PPP3R1: variants seen among roughly 807,000 people sequenced by gnomAD.
PPP3R1 encodes the protein calcineurin subunit B type 1.
A neutral mutation model predicts 22.6 loss-of-function variants in PPP3R1; 5 were observed. That is an observed-to-expected ratio of 0.22 (90% CI 0.12 to 0.46). The LOEUF (loss-of-function observed/expected upper bound fraction) is 0.46. PPP3R1 is among the 20% of genes least tolerant of loss of function. PPP3R1 has a pLI of 0.99. For synonymous variants in PPP3R1, 56 were observed against 65.2 expected, an observed-to-expected ratio of 0.86 and a Z score of 0.68; for missense variants, 61 against 203.2, an observed-to-expected ratio of 0.30 and a Z score of 4.25.
chr2:68,222,301 A>G (rs974561568), intron 1 of PPP3R1, among the ~76,000 whole-genome samples: 1 of 152,206 alleles, frequency 6.6e-6, no homozygotes, highest in Non-Finnish European at 1.5e-5. Context: ...CTCTAGAACA[A>G]CTTAAAAAAG....
At chr2:68,237,139 A>T (rs930653) in intron 1 of PPP3R1, among the ~76,000 whole-genome samples, 108,091 of 152,054 alleles carry the variant, frequency 0.71, 38,796 homozygotes, top group African/African-American at 0.82. Flanking sequence ...AATATCCTGA[A>T]ACATTCTTGA....
chr2:68,202,677 G>C (rs555802962), intron 2 of PPP3R1, among the ~76,000 whole-genome samples: 11 of 151,724 alleles, frequency 7.3e-5, no homozygotes, highest in Non-Finnish European at 1.3e-4. Flanking sequence ...CACTTGCCTC[G>C]GTCTCCCAAA....
At position 68,252,464 on chromosome 2, in the gene PPP3R1, C is replaced by G. The variant is rs1214691558; in HGVS notation, c.-337G>C. On this transcript the variant is annotated 5_prime_UTR_variant, in exon 1 of 6. Transcript: ENST00000234310. ...GGCCGGGAAACTCGGGGGCTGCAGCCTCGCGCTCGCGCCGGAGCCGTGACG... is the reference window on the plus strand; with the variant it reads ...GGCCGGGAAACTCGGGGGCTGCAGCGTCGCGCTCGCGCCGGAGCCGTGACG... 2 of 988,866 alleles carry G rather than the reference C, an allele frequency of 2.0e-6. No individual in the cohort carries two copies. The highest frequency in any genetic ancestry group is 2.4e-6 in the Non-Finnish European group (2 of 832,838). The allele number at this position is 988,866 out of a possible 1,614,324, so 61.3% of individuals were successfully genotyped here.
intron 1 of PPP3R1, among the ~76,000 whole-genome samples, chr2:68,243,507 T>C (rs1670171267): frequency 6.6e-6 from 1 of 152,172 alleles, no homozygotes; most frequent in Admixed American, 6.5e-5. Flanking sequence ...AAAAGACGCT[T>C]TATCCATTAT....
intron 2 of PPP3R1, among the ~76,000 whole-genome samples, chr2:68,198,247 A>G (rs114706584): frequency 0.025 from 3,611 of 146,282 alleles, 145 homozygotes; most frequent in African/African-American, 0.083. Flanking sequence ...ACACATATGT[A>G]CATACATATG....
intron 1 of PPP3R1, among the ~76,000 whole-genome samples, chr2:68,232,227 G>A (rs1474742831): frequency 0.049 from 1,646 of 33,852 alleles, 26 homozygotes; most frequent in African/African-American, 0.2. Context: ...GTATATATGT[G>A]TGTGTGTGTG....
At chr2:68,182,848 C>T (rs1259262832) in intron 5 of PPP3R1, among the ~76,000 whole-genome samples, 1 of 151,902 alleles carries the variant, frequency 6.6e-6, no homozygotes, top group Non-Finnish European at 1.5e-5. Flanking sequence ...CAGTTAATTC[C>T]TTTGCTGGGT....
At chr2:68,237,195 AG>A (rs1418821490) in intron 1 of PPP3R1, among the ~76,000 whole-genome samples, 2 of 152,320 alleles carry the variant, frequency 1.3e-5, no homozygotes, top group Admixed American at 1.3e-4. Flanking sequence ...CAAAGAAATT[AG>A]GATTATGAAA....
chr2:68,202,063 T>G (rs1674988869), intron 2 of PPP3R1, among the ~76,000 whole-genome samples: 1 of 152,180 alleles, frequency 6.6e-6, no homozygotes, highest in African/African-American at 2.4e-5. Context: ...CCCTTCTATG[T>G]TATCTAATAC....
intron 1 of PPP3R1, among the ~76,000 whole-genome samples, chr2:68,227,180 G>A (rs1313903893): frequency 6.6e-6 from 1 of 151,988 alleles, no homozygotes; most frequent in Non-Finnish European, 1.5e-5. Context: ...AGAGAACCAA[G>A]TTTTTTCATT....
intron 2 of PPP3R1, among the ~76,000 whole-genome samples, chr2:68,207,436 C>T (rs532806983): frequency 1.3e-4 from 20 of 152,256 alleles, no homozygotes; most frequent in Non-Finnish European, 2.1e-4. Context: ...AAAAGGACAG[C>T]TTTAACAGTG....
intron 1 of PPP3R1, among the ~76,000 whole-genome samples, chr2:68,243,768 GA>G (rs1670178173): frequency 6.6e-6 from 1 of 151,952 alleles, no homozygotes. Context: ...TAAAACTTTG[GA>G]CTAAAACTGA....
At chr2:68,252,091 GA>G in intron 1 of PPP3R1, 33 bp downstream of exon 1, 1 of 1,419,578 alleles carries the variant, frequency 7.0e-7, no homozygotes, top group Non-Finnish European at 9.4e-7. Flanking sequence ...GCAGTAGGGG[GA>G]GGGATGGTGC....
At chr2:68,222,510 C>T (rs954576777) in intron 1 of PPP3R1, among the ~76,000 whole-genome samples, 1 of 152,170 alleles carries the variant, frequency 6.6e-6, no homozygotes, top group African/African-American at 2.4e-5. Context: ...CTAAATAGAA[C>T]AAAAAGGCAG....
chr2:68,222,614 A>T (rs1669704346), intron 1 of PPP3R1, among the ~76,000 whole-genome samples: 1 of 152,190 alleles, frequency 6.6e-6, no homozygotes, highest in African/African-American at 2.4e-5. Flanking sequence ...TCAGACTCAG[A>T]CTAGAATTTA....
intron 1 of PPP3R1, among the ~76,000 whole-genome samples, chr2:68,229,435 T>G (rs951837588): frequency 1.3e-5 from 2 of 152,252 alleles, no homozygotes; most frequent in Non-Finnish European, 2.9e-5. Context: ...AGTATCTTTC[T>G]ATATCCTTGC....
intron 1 of PPP3R1, among the ~76,000 whole-genome samples, chr2:68,229,965 TACACACATAC>T (rs753227408): frequency 5.2e-4 from 26 of 49,532 alleles, no homozygotes; most frequent in South Asian, 3.7e-3. Context: ...TGTGTATATA[TACACACATAC>T]ACACACACAC....
intron 2 of PPP3R1, among the ~76,000 whole-genome samples, chr2:68,213,341 T>C (rs145553611): frequency 6.6e-6 from 1 of 152,200 alleles, no homozygotes; most frequent in Non-Finnish European, 1.5e-5. Context: ...GAGAGCAGTG[T>C]AGGGTTATTA....
intron 1 of PPP3R1, among the ~76,000 whole-genome samples, chr2:68,229,695 A>G (rs185433659): frequency 2.2e-4 from 33 of 152,202 alleles, no homozygotes; most frequent in Admixed American, 2.1e-3. Context: ...TCTAATATTA[A>G]ATATAACCAT....
Sources: allele counts gnomAD v4.1 joint callset (sites outside exome capture counted in the v4.1 genomes callset), GRCh38; gene constraint gnomAD v4.1.1; transcripts MANE v1.5; gene names NCBI Gene and HGNC (gene_info 2026-07-23, HGNC 2026-07-21).